FRMPD4: variants seen among roughly 807,000 people sequenced by gnomAD.
FRMPD4 encodes the protein FERM and PDZ domain containing 4.
In FRMPD4, 22 loss-of-function variants were observed where a neutral mutation model predicts 94.1. That is an observed-to-expected ratio of 0.23 (90% CI 0.17 to 0.33). The LOEUF (loss-of-function observed/expected upper bound fraction) is 0.33, where lower values mean the gene tolerates loss of function less well. FRMPD4 is among the 10% of genes least tolerant of loss of function. The pLI is 1.00. For missense variants in FRMPD4, 1,111 were observed against 1,339.9 expected, an observed-to-expected ratio of 0.83 and a Z score of 2.67; for synonymous variants, 631 against 548.6, an observed-to-expected ratio of 1.15 and a Z score of -2.10.
intron 1 of FRMPD4, among the ~76,000 whole-genome samples, chrX:12,314,386 C>G (rs1034025788): frequency 9.0e-6 from 1 of 111,013 alleles, no homozygotes; most frequent in Non-Finnish European, 1.9e-5. Flanking sequence ...AAAGCTGTGG[C>G]TTGCAAGCTT....
chrX:11,875,956 A>G (rs1601817472), intron 2 of FRMPD4, among the ~76,000 whole-genome samples: 1 of 102,133 alleles, frequency 9.8e-6, no homozygotes, highest in South Asian at 4.6e-4. Context: ...GCTCACTGCA[A>G]GCTCCGCCTC....
intron 3 of FRMPD4, among the ~76,000 whole-genome samples, chrX:12,073,395 T>A: frequency 8.9e-6 from 1 of 112,200 alleles, no homozygotes. Flanking sequence ...TGGCTGTGTG[T>A]CCATGAAACT....
chrX:12,291,241 G>A (rs769310341), intron 1 of FRMPD4, among the ~76,000 whole-genome samples: 6 of 112,277 alleles, frequency 5.3e-5, no homozygotes, highest in Non-Finnish European at 9.4e-5. Context: ...ACATTTGTCA[G>A]TACCACTTGT....
At chrX:12,577,143 T>G (rs2058819495) in intron 2 of FRMPD4, among the ~76,000 whole-genome samples, 1 of 111,972 alleles carries the variant, frequency 8.9e-6, no homozygotes, top group Non-Finnish European at 1.9e-5. Flanking sequence ...ACACTTTAGT[T>G]TTAATCCACA....
chrX:11,845,788 A>G lies in FRMPD4; in HGVS notation c.-160-19298A>G, dbSNP rs753014980. 3.1e-3 allele frequency among the ~76,000 whole-genome samples: 335 copies of G among 109,445 alleles called. 2 individuals are homozygous for G. Among genetic ancestry groups the G allele is most frequent in the African/African-American group, 0.011 (323 of 30,181 alleles). On this transcript the variant is annotated intron_variant, in intron 1 of 18. Coordinates refer to the FRMPD4 transcript ENST00000640291. ...AACCAAAGACAAAAACCACATGATTATCTCAATAGATGCACAAAAGGCCTT... is the reference window on the plus strand; with the variant it reads ...AACCAAAGACAAAAACCACATGATTGTCTCAATAGATGCACAAAAGGCCTT...
At chrX:12,616,830 G>A (rs2059240744) in intron 4 of FRMPD4, among the ~76,000 whole-genome samples, 1 of 111,959 alleles carries the variant, frequency 8.9e-6, no homozygotes, top group Non-Finnish European at 1.9e-5. Flanking sequence ...GAAGTTGCAT[G>A]GATGTTTTGT....
intron 3 of FRMPD4, among the ~76,000 whole-genome samples, chrX:11,956,185 C>T (rs1188323181): frequency 1.8e-5 from 2 of 111,777 alleles, no homozygotes. Flanking sequence ...TATGCTTGAT[C>T]GCTGCTGTAT....
intron 4 of FRMPD4, among the ~76,000 whole-genome samples, chrX:12,618,163 T>C (rs2059252661): frequency 8.9e-6 from 1 of 111,900 alleles, no homozygotes; most frequent in Admixed American, 9.5e-5. Flanking sequence ...ATAATTTTCT[T>C]TTCACAATTA....
At chrX:12,431,091 C>G (rs1178622655) in intron 1 of FRMPD4, among the ~76,000 whole-genome samples, 2 of 112,786 alleles carry the variant, frequency 1.8e-5, no homozygotes, top group African/African-American at 6.4e-5. Context: ...CAACCATTTA[C>G]TCATTCATTT....
chrX:12,450,967 C>G lies in FRMPD4; in HGVS notation c.42-47713C>G, dbSNP rs190857651. Among the ~76,000 whole-genome samples the G allele has an allele frequency of 2.0e-3, 211 of 106,547 alleles. 2 individuals carry two copies. Among genetic ancestry groups the G allele is most frequent in the African/African-American group, 7.0e-3 (206 of 29,464 alleles). The allele number at this position is 106,547 out of a possible 115,157, so 92.5% of individuals were successfully genotyped here. ...ATCTTATTCAGGAAAAAAAAAAAGG[C>G]GAAGTCCTCACAGTGAATGGTCGAC... is the stretch of plus-strand genomic sequence containing the variant. On this transcript the variant is annotated intron_variant, in intron 1 of 16. Transcript: ENST00000675598.
At chrX:12,716,013 C>T in intron 14 of FRMPD4, 56 bp from the exon 15 acceptor site, 1 of 365,417 alleles carries the variant, frequency 2.7e-6, no homozygotes, top group Non-Finnish European at 4.8e-6. Context: ...CCACCCCCGC[C>T]CCACCCAAAA....
chrX:12,716,341 C>G lies in FRMPD4; in HGVS notation c.1882C>G (p.Arg628Gly), dbSNP rs1423395504. The G allele has an allele frequency of 2.5e-6, 3 of 1,209,345 alleles. No homozygotes were observed. The African/African-American group carries it at 5.2e-5, about 21-fold the overall frequency. Reference protein sequence around the residue: ...CEADYRSLAQRSLLTLSGPET... With the variant: ...CEADYRSLAQGSLLTLSGPET... The stretch of plus-strand genomic sequence containing the variant: ...GGCAGACTACAGAAGTCTAGCTCAG[C>G]GGTCCCTATTGACCCTCTCAGGACC... The change falls in exon 15 of 17, where the codon CGG (arginine) becomes GGG (glycine). Residue 628 changes from arginine (R) to glycine (G), a missense_variant. Around this residue, in one of 8 missense-constraint regions of FRMPD4, gnomAD observed 192 missense variants for 192.5 expected, o/e 1.00. Coordinates refer to ENST00000675598, the MANE Select transcript of FRMPD4 (RefSeq NM_001368397.1).
chrX:12,067,620 G>T lies in FRMPD4; in HGVS notation c.95+189602G>T, dbSNP rs2054932794. Among the ~76,000 whole-genome samples the T allele has an allele frequency of 5.5e-5, 6 of 109,948 alleles. No homozygotes were observed. In the South Asian group the frequency reaches 2.0e-3, roughly 37 times the overall value. On this transcript the variant is annotated intron_variant, in intron 3 of 18. Transcript: ENST00000640291. The stretch of plus-strand genomic sequence containing the variant: ...TTTAGTAGAGACGGGGTTTCATCAT[G>T]TTGGCCAGGTTGGTCTCAAACTCCT...
intron 1 of FRMPD4, among the ~76,000 whole-genome samples, chrX:12,450,001 A>G (rs1170805735): frequency 9.0e-6 from 1 of 110,655 alleles, no homozygotes; most frequent in Non-Finnish European, 1.9e-5. Flanking sequence ...AAGAAAAGAA[A>G]AAAAAAGAAA....
At chrX:12,509,626 G>C (rs1482162126) in intron 2 of FRMPD4, among the ~76,000 whole-genome samples, 1 of 110,680 alleles carries the variant, frequency 9.0e-6, no homozygotes, top group Admixed American at 9.6e-5. Context: ...CTACAAATAG[G>C]GTACAATGTA....
intron 4 of FRMPD4, among the ~76,000 whole-genome samples, chrX:12,644,822 T>C (rs2059533005): frequency 8.9e-6 from 1 of 112,056 alleles, no homozygotes; most frequent in Non-Finnish European, 1.9e-5. Flanking sequence ...TGGAGATCTA[T>C]ATGGAAGCCT....
At chrX:12,092,267 C>T (rs1410538861) in intron 3 of FRMPD4, among the ~76,000 whole-genome samples, 1 of 111,576 alleles carries the variant, frequency 9.0e-6, no homozygotes, top group Non-Finnish European at 1.9e-5. Context: ...GATTGATAGA[C>T]ATATATTTAA....
At chrX:12,038,285 A>G (rs2054731062) in intron 3 of FRMPD4, among the ~76,000 whole-genome samples, 2 of 111,894 alleles carry the variant, frequency 1.8e-5, no homozygotes, top group African/African-American at 3.2e-5. Flanking sequence ...TCCTTATCCA[A>G]ACTAGCACTT....
intron 1 of FRMPD4, among the ~76,000 whole-genome samples, chrX:12,193,775 G>GAAAGAAAGAAAGAAAGAAAGAAAGAAAGA (rs1207033585): frequency 1.3e-4 from 2 of 15,224 alleles, no homozygotes; most frequent in Non-Finnish European, 1.1e-4. Flanking sequence ...AGAAAGAAAG[G>GAAAGAAAGAAAGAAAGAAAGAAAGAAAGA]AAGGAAGGAA....
Sources: gnomAD v4.1 joint callset for allele counts (sites outside exome capture counted in the v4.1 genomes callset) on GRCh38, gnomAD v4.1.1 for gene constraint, gnomAD v4.1.1 regional missense constraint, MANE v1.5 for transcripts, NCBI Gene and HGNC (gene_info 2026-07-23, HGNC 2026-07-21) for gene names.